Variants in NRG1 observed in about 807,000 individuals in gnomAD.
NRG1 encodes the protein pro-neuregulin-1, membrane-bound isoform.
NRG1 carries 18 observed loss-of-function variants against 63.8 expected under a neutral mutation model. That is an observed-to-expected ratio of 0.28 (90% CI 0.19 to 0.42). NRG1 has a LOEUF of 0.42. NRG1 is among the 10% of genes least tolerant of loss of function. The pLI is 1.00. For missense variants in NRG1, 762 were observed against 814.7 expected (o/e 0.94, Z 0.79); for synonymous variants, 302 against 301.3 (o/e 1.00, Z -0.02).
chr8:32,272,090 G>T lies in NRG1; in HGVS notation c.38-323738G>T, dbSNP rs200957127. Among the ~76,000 whole-genome samples, 29 of 152,030 alleles carry T rather than the reference G, an allele frequency of 1.9e-4. No individual in the cohort carries two copies. In the East Asian group the frequency reaches 4.7e-3, roughly 24 times the overall value. ...TATTAAATTTCTTTTTCTTTTTTCT[G>T]GAATAGGGACTATCTTATTCAGCTC... On this transcript the variant is annotated intron_variant, in intron 1 of 10. Coordinates refer to the NRG1 transcript ENST00000519301.
chr8:32,484,867 A>G (rs2129493793), intron 1 of NRG1, among the ~76,000 whole-genome samples: 1 of 152,324 alleles, frequency 6.6e-6, no homozygotes, highest in East Asian at 1.9e-4. Flanking sequence ...AGCCTGTAAA[A>G]AGAGCCTGGA....
At chr8:32,414,576 T>C (rs1282418521) in intron 1 of NRG1, among the ~76,000 whole-genome samples, 1 of 152,192 alleles carries the variant, frequency 6.6e-6, no homozygotes, top group Non-Finnish European at 1.5e-5. Context: ...TAAAGGCATG[T>C]TTCAGAGACT....
intron 1 of NRG1, among the ~76,000 whole-genome samples, chr8:31,692,603 T>G (rs1282993305): frequency 6.6e-6 from 1 of 152,212 alleles, no homozygotes; most frequent in African/African-American, 2.4e-5. Flanking sequence ...AACTATAAAC[T>G]TGCATTTTGA....
intron 3 of NRG1, among the ~76,000 whole-genome samples, chr8:32,612,726 A>G (rs1846580412): frequency 6.6e-6 from 1 of 152,062 alleles, no homozygotes; most frequent in African/African-American, 2.4e-5. Flanking sequence ...TGTTTGTCAA[A>G]AATAAATTTG....
chr8:32,068,170 TG>T (rs1456024522), intron 1 of NRG1, among the ~76,000 whole-genome samples: 1 of 152,216 alleles, frequency 6.6e-6, no homozygotes, highest in African/African-American at 2.4e-5. Flanking sequence ...TGATGTATGT[TG>T]GGTAAATCAC....
chr8:31,641,590 T>C (rs1803791392), intron 1 of NRG1, among the ~76,000 whole-genome samples: 1 of 152,194 alleles, frequency 6.6e-6, no homozygotes, highest in African/African-American at 2.4e-5. Context: ...CTCATTTCGT[T>C]GCTGAGGTAG....
chr8:32,762,316 C>T (rs1830864046), intron 11 of NRG1, among the ~76,000 whole-genome samples: 1 of 152,074 alleles, frequency 6.6e-6, no homozygotes, highest in Admixed American at 6.6e-5. Flanking sequence ...CATTCTTCAT[C>T]ACTACAAGTG....
At chr8:32,615,667 A>G (rs1334052208) in intron 4 of NRG1, among the ~76,000 whole-genome samples, 1 of 151,958 alleles carries the variant, frequency 6.6e-6, no homozygotes, top group Non-Finnish European at 1.5e-5. Flanking sequence ...TACCTCCATC[A>G]TTTCCTCTTC....
chr8:32,694,959 GC>G, intron 5 of NRG1, among the ~76,000 whole-genome samples: 1 of 152,262 alleles, frequency 6.6e-6, no homozygotes, highest in East Asian at 1.9e-4. Context: ...CTGGCATGGT[GC>G]CCTGCAATTA....
At chr8:32,161,603 C>G (rs1426196759) in intron 1 of NRG1, among the ~76,000 whole-genome samples, 1 of 151,788 alleles carries the variant, frequency 6.6e-6, no homozygotes, top group Admixed American at 6.6e-5. Context: ...TTTAGCCAAA[C>G]CATGCTAACT....
chr8:32,686,011 T>C (rs1478799616), intron 5 of NRG1, among the ~76,000 whole-genome samples: 1 of 152,220 alleles, frequency 6.6e-6, no homozygotes, highest in Non-Finnish European at 1.5e-5. Context: ...CCAGAAAAGA[T>C]TTATTATAAA....
intron 1 of NRG1, among the ~76,000 whole-genome samples, chr8:32,462,446 C>G (rs548662735): frequency 1.3e-5 from 2 of 152,136 alleles, no homozygotes; most frequent in African/African-American, 4.8e-5. Context: ...ATACTATAGG[C>G]AAGCAATTTA....
chr8:31,870,369 G>T (rs1377367767), intron 1 of NRG1, among the ~76,000 whole-genome samples: 1 of 152,124 alleles, frequency 6.6e-6, no homozygotes, highest in African/African-American at 2.4e-5. Flanking sequence ...AAAATAGAAA[G>T]ATATAAATAG....
chr8:31,872,577 T>C (rs1361716618), intron 1 of NRG1, among the ~76,000 whole-genome samples: 1 of 152,104 alleles, frequency 6.6e-6, no homozygotes, highest in African/African-American at 2.4e-5. Context: ...AACAGACATA[T>C]AGAAAACCAT....
intron 1 of NRG1, among the ~76,000 whole-genome samples, chr8:32,444,602 G>A (rs1297177680): frequency 6.6e-6 from 1 of 152,150 alleles, no homozygotes; most frequent in African/African-American, 2.4e-5. Context: ...GATTGTGATA[G>A]GACTCAGGCA....
At chr8:32,481,365 C>CAAAT (rs1452387014) in intron 1 of NRG1, among the ~76,000 whole-genome samples, 1 of 151,682 alleles carries the variant, frequency 6.6e-6, no homozygotes, top group South Asian at 2.1e-4. Context: ...AATAAACAAA[C>CAAAT]AAATAAAGGT....
chr8:32,041,106 T>C (rs976253229), intron 1 of NRG1, among the ~76,000 whole-genome samples: 3 of 152,118 alleles, frequency 2.0e-5, no homozygotes, highest in Non-Finnish European at 4.4e-5. Flanking sequence ...AACTTCATTA[T>C]GTAGAAGCTG....
At position 32,644,706 on chromosome 8, in the gene NRG1, T is replaced by C. The variant is rs181544911; in HGVS notation, c.502+27821T>C. ...ACTTGTGGCAGTCCATAGGATTCTC[T>C]CTCTGATGTGTTGTCCTAGTCTTTG... On this transcript the variant is annotated intron_variant, in intron 5 of 11. Transcript: ENST00000356819. 7.2e-5 allele frequency among the ~76,000 whole-genome samples: 11 copies of C among 152,274 alleles called. 1 individual carries two copies. Among genetic ancestry groups the C allele is most frequent in the Admixed American group, 5.2e-4 (8 of 15,296 alleles).
At chr8:31,994,676 A>T (rs1811673181) in intron 1 of NRG1, among the ~76,000 whole-genome samples, 1 of 150,110 alleles carries the variant, frequency 6.7e-6, no homozygotes, top group African/African-American at 2.5e-5. Context: ...AAAAAAAAAA[A>T]AAGACTTCAA....
Sources: gnomAD v4.1 joint callset for allele counts (sites outside exome capture counted in the v4.1 genomes callset) on GRCh38, gnomAD v4.1.1 for gene constraint, MANE v1.5 for transcripts, NCBI Gene and HGNC (gene_info 2026-07-23, HGNC 2026-07-21) for gene names.